DCHS2: variants seen among roughly 807,000 people sequenced by gnomAD.
DCHS2 encodes protocadherin-23.
Under a neutral mutation model 182.4 loss-of-function variants are expected in DCHS2, and 142 were observed. The observed-to-expected ratio is 0.78, with a 90% CI of 0.68 to 0.89. The LOEUF is 0.89. Ranked by LOEUF, DCHS2 falls within the 40% of genes least tolerant of loss-of-function variation. DCHS2 has a pLI of 0.00. For synonymous variants in DCHS2, 1,740 were observed against 1,663.3 expected (o/e 1.05, Z -1.12); for missense variants, 4,319 against 4,198.6 (o/e 1.03, Z -0.79).
chr4:154,321,623 CTTTG>C (rs894632451), intron 8 of DCHS2, among the ~76,000 whole-genome samples: 5 of 152,162 alleles, frequency 3.3e-5, no homozygotes, highest in African/African-American at 1.2e-4. Context: ...TATCATATGT[CTTTG>C]TTTGTCTGAA....
intron 1 of DCHS2, among the ~76,000 whole-genome samples, chr4:154,417,204 T>TGA (rs70947163): frequency 0.013 from 531 of 39,462 alleles, 21 homozygotes; most frequent in Middle Eastern, 0.019. Flanking sequence ...TGTGTGTGTG[T>TGA]GAGAGAGAGA....
chr4:154,404,531 A>G (rs1419438705), intron 1 of DCHS2, among the ~76,000 whole-genome samples: 1 of 152,218 alleles, frequency 6.6e-6, no homozygotes, highest in Non-Finnish European at 1.5e-5. Context: ...AACTGTGTTA[A>G]GTGGAGGAAA....
chr4:154,414,044 C>CA (rs766954991), intron 1 of DCHS2, among the ~76,000 whole-genome samples: 2 of 151,968 alleles, frequency 1.3e-5, no homozygotes, highest in Admixed American at 6.6e-5. Flanking sequence ...CTCCTCCCTA[C>CA]AAAAAAATAA....
At chr4:154,256,834 C>A (rs911777241) in intron 15 of DCHS2, among the ~76,000 whole-genome samples, 1 of 151,978 alleles carries the variant, frequency 6.6e-6, no homozygotes, top group Admixed American at 6.6e-5. Context: ...CTCAGGGGAC[C>A]CTGAGTGACC....
intron 8 of DCHS2, among the ~76,000 whole-genome samples, chr4:154,321,508 A>G (rs921766943): frequency 2.6e-5 from 4 of 152,178 alleles, no homozygotes; most frequent in African/African-American, 9.6e-5. Context: ...GCTGAACTGT[A>G]GCCTTGTGAT....
At chr4:154,488,901 TC>T (rs1268344638) in intron 1 of DCHS2, among the ~76,000 whole-genome samples, 6 of 14,436 alleles carry the variant, frequency 4.2e-4, no homozygotes, top group Admixed American at 3.0e-3. Context: ...TGTGTGTGTG[TC>T]TGTGTGTGTG....
intron 1 of DCHS2, among the ~76,000 whole-genome samples, chr4:154,422,132 A>T (rs1453870984): frequency 6.6e-6 from 1 of 152,058 alleles, no homozygotes; most frequent in Non-Finnish European, 1.5e-5. Flanking sequence ...CTTCTAGTCA[A>T]CCCTAAGTGT....
At chr4:154,322,569 C>A in intron 7 of DCHS2, 81 bp from the exon 8 acceptor site, 1 of 1,427,536 alleles carries the variant, frequency 7.0e-7, no homozygotes, top group East Asian at 2.5e-5. Flanking sequence ...ATATATCGAT[C>A]ATTTGGAAGA....
At chr4:154,329,485 A>C in intron 6 of DCHS2, 38 bp downstream of exon 6, 1 of 1,578,442 alleles carries the variant, frequency 6.3e-7, no homozygotes, top group Non-Finnish European at 8.7e-7. Context: ...CAAATGACTT[A>C]AGATATTACA....
At chr4:154,281,013 G>A (rs565905036) in intron 13 of DCHS2, among the ~76,000 whole-genome samples, 1 of 151,958 alleles carries the variant, frequency 6.6e-6, no homozygotes, top group Non-Finnish European at 1.5e-5. Context: ...TTTTTGTGGA[G>A]ACAATGTTTC....
At chr4:154,319,656 T>A (rs1250727187) in intron 9 of DCHS2, among the ~76,000 whole-genome samples, 9 of 116,940 alleles carry the variant, frequency 7.7e-5, no homozygotes, top group South Asian at 3.0e-4. Context: ...TGGCTGTTAC[T>A]AAAAAAAAAA....
intron 1 of DCHS2, among the ~76,000 whole-genome samples, chr4:154,409,101 AGCATTG>A (rs1732517783): frequency 6.6e-6 from 1 of 152,136 alleles, no homozygotes; most frequent in South Asian, 2.1e-4. Context: ...AGAGAAACCG[AGCATTG>A]GCTGAGCTCA....
chr4:154,466,909 G>T (rs1735264176), intron 1 of DCHS2, among the ~76,000 whole-genome samples: 1 of 152,008 alleles, frequency 6.6e-6, no homozygotes, highest in African/African-American at 2.4e-5. Context: ...TCCTTTACTG[G>T]CATATAAGTA....
chr4:154,270,143 T>C (rs1733517610), intron 13 of DCHS2, 130 bp from the exon 14 acceptor site: 1 of 1,176,582 alleles, frequency 8.5e-7, no homozygotes, highest in Non-Finnish European at 1.2e-6. Flanking sequence ...CAATAACTTA[T>C]TGTCTTCAAT....
At chr4:154,296,848 A>T (rs920788255) in intron 13 of DCHS2, among the ~76,000 whole-genome samples, 1 of 152,188 alleles carries the variant, frequency 6.6e-6, no homozygotes, top group Non-Finnish European at 1.5e-5. Flanking sequence ...TCTATTTTTC[A>T]TTTGAAAATA....
intron 14 of DCHS2, among the ~76,000 whole-genome samples, chr4:154,262,903 G>A (rs1733055918): frequency 6.6e-6 from 1 of 152,154 alleles, no homozygotes; most frequent in Admixed American, 6.5e-5. Context: ...AATTGCTGCT[G>A]ATTTAGACAG....
intron 13 of DCHS2, among the ~76,000 whole-genome samples, chr4:154,295,561 C>T (rs1035965701): frequency 1.3e-5 from 2 of 152,198 alleles, no homozygotes; most frequent in African/African-American, 2.4e-5. Context: ...AGGCCCCTAA[C>T]AACCACTAGT....
In DCHS2 at chr4:154,260,584, C is replaced by T. The variant is rs199823992; in HGVS notation, c.6578-828G>A. ...TTGAATGCTTATTAAAGAGTCATCA[C>T]GCATGCGGTTCCATCAGCCTGGAAT... On this transcript the variant is annotated intron_variant, in intron 14 of 19. Coordinates refer to ENST00000357232, the MANE Select transcript of DCHS2 (RefSeq NM_001358235.2). 2.6e-5 allele frequency among the ~76,000 whole-genome samples: 4 copies of T among 152,272 alleles called. No homozygotes were observed. In the East Asian group the frequency reaches 7.7e-4, roughly 29 times the overall value.
At position 154,298,251 on chromosome 4, in the gene DCHS2, A is replaced by C; in HGVS notation, c.6063T>G (p.Thr2021=). ...DCSIQGSRST[T]VIIKVYVTDV... is the part of the protein sequence containing the mutation. ...CAGTGACATATACTTTTATAATTAC[A>C]GTGGTGCTTCGTGAACCCTGGATGC... The change falls in exon 13 of 20, where the codon ACT becomes ACG. Residue 2021 remains threonine (T), a synonymous_variant. Transcript: ENST00000357232. 6.2e-7 allele frequency: 1 copy of C among 1,614,162 alleles called. No individual in the cohort carries two copies. Among genetic ancestry groups the C allele is most frequent in the South Asian group, 1.1e-5 (1 of 91,088 alleles).
Sources: gnomAD v4.1 joint callset for allele counts (sites outside exome capture counted in the v4.1 genomes callset) on GRCh38, gnomAD v4.1.1 for gene constraint, MANE v1.5 for transcripts, NCBI Gene and HGNC (gene_info 2026-07-23, HGNC 2026-07-21) for gene names.